SLC9B2: variants seen among roughly 807,000 people sequenced by gnomAD.
SLC9B2 encodes the protein solute carrier family 9 member B2.
SLC9B2 carries 39 observed loss-of-function variants against 52.2 expected under a neutral mutation model. The observed-to-expected ratio is 0.75, with a 90% CI of 0.58 to 0.98. SLC9B2 has a LOEUF of 0.98. Among genes scored for constraint, SLC9B2 ranks in the 50% least tolerant of loss-of-function variants. The pLI, the probability that SLC9B2 is intolerant of heterozygous loss-of-function variation, is 0.00. For missense variants in SLC9B2, 626 were observed against 637.5 expected (o/e 0.98, Z 0.19); for synonymous variants, 214 against 227.0 (o/e 0.94, Z 0.51).
intron 1 of SLC9B2, among the ~76,000 whole-genome samples, chr4:103,075,004 G>C (rs555522586): frequency 6.6e-6 from 1 of 152,186 alleles, no homozygotes; most frequent in East Asian, 1.9e-4. Flanking sequence ...AGAAGTGAAC[G>C]GTCTTAAATA....
intron 9 of SLC9B2, among the ~76,000 whole-genome samples, chr4:103,036,258 C>T (rs767691343): frequency 6.6e-6 from 1 of 152,274 alleles, no homozygotes; most frequent in East Asian, 1.9e-4. Flanking sequence ...TAATCCTAAG[C>T]TAATTAATGC....
intron 6 of SLC9B2, chr4:103,048,626 G>A (rs111254763): frequency 2.4e-5 from 7 of 293,424 alleles, no homozygotes; most frequent in African/African-American, 1.5e-4. Context: ...GTGGAATCCG[G>A]TATCTCTTTA....
In SLC9B2 at chr4:103,050,665, T is replaced by C. The variant is rs577595525; in HGVS notation, c.443-283A>G. Among the ~76,000 whole-genome samples the C allele has an allele frequency of 1.5e-4, 23 of 152,332 alleles. No homozygotes were observed. In the East Asian group the frequency reaches 4.4e-3, roughly 29 times the overall value. On this transcript the variant is annotated intron_variant, in intron 4 of 11. Transcript: ENST00000394785. The stretch of plus-strand genomic sequence containing the variant: ...ATAGAGAGTATGATCAAATTCTAAA[T>C]ATAAAATGTTTTAATACAATGCCAG...
chr4:103,026,844 A>G (rs1199037668), intron 11 of SLC9B2, among the ~76,000 whole-genome samples: 1 of 152,152 alleles, frequency 6.6e-6, no homozygotes, highest in Non-Finnish European at 1.5e-5. Context: ...TAATAATAAT[A>G]AAATAAAAAA....
At position 103,043,427 on chromosome 4, in the gene SLC9B2, T is replaced by G; in HGVS notation, c.1015A>C (p.Arg339=). 1 of 1,607,496 alleles carries G rather than the reference T, an allele frequency of 6.2e-7. No homozygotes were observed. Among genetic ancestry groups the G allele is most frequent in the South Asian group, 1.1e-5 (1 of 89,058 alleles). Reference sequence around the variant, plus strand: ...GACAACCCCAACACAAGGAATGTTCTCTTACACACAAGTTTGTCCTTTAGG... The same window carrying G: ...GACAACCCCAACACAAGGAATGTTCGCTTACACACAAGTTTGTCCTTTAGG... The part of the protein sequence containing the change: ...SRDQDKLVCK[R]TFLVLGLSVL... The change falls in exon 9 of 12, where the codon AGA becomes CGA. Residue 339 remains arginine (R), a synonymous_variant. Coordinates refer to ENST00000394785, the MANE Select transcript of SLC9B2 (RefSeq NM_178833.7).
intron 1 of SLC9B2, among the ~76,000 whole-genome samples, chr4:103,074,862 C>T (rs1746971586): frequency 6.6e-6 from 1 of 152,160 alleles, no homozygotes; most frequent in South Asian, 2.1e-4. Flanking sequence ...CAAATGTCAC[C>T]TTCTCAGTAT....
intron 9 of SLC9B2, among the ~76,000 whole-genome samples, chr4:103,036,492 A>G (rs1743185671): frequency 6.6e-6 from 1 of 152,160 alleles, no homozygotes; most frequent in Non-Finnish European, 1.5e-5. Flanking sequence ...AAACCTGCAC[A>G]TGTACCCCTT....
At position 103,057,850 on chromosome 4, in the gene SLC9B2, A is replaced by G; in HGVS notation, c.393T>C (p.Leu131=). 1 of 1,613,884 alleles carries G rather than the reference A, an allele frequency of 6.2e-7. No individual in the cohort carries two copies. The highest frequency in any genetic ancestry group is 1.3e-5 in the African/African-American group (1 of 75,036). Residue 131 remains leucine, a synonymous_variant, in exon 4 of 12, where the codon CTT becomes CTC. Transcript: ENST00000394785. ...ATGTAGGTAACTTAATAAGCCCCAA[A>G]AGTTTACCACCAATGATGGCACAAT... ...LFYCAIIGGK[L]LGLIKLPTLP... is the part of the protein sequence containing the mutation.
chr4:103,059,290 C>T (rs886412441), intron 3 of SLC9B2, among the ~76,000 whole-genome samples: 3 of 152,140 alleles, frequency 2.0e-5, no homozygotes, highest in African/African-American at 7.2e-5. Flanking sequence ...AGACTTAAAC[C>T]TGGCCTCCCA....
At chr4:103,054,568 C>T (rs6821545) in intron 4 of SLC9B2, among the ~76,000 whole-genome samples, 6,633 of 152,280 alleles carry the variant, frequency 0.044, 439 homozygotes, top group African/African-American at 0.14. Flanking sequence ...AACTTCACAA[C>T]TCTGCCAGTA....
chr4:103,058,405 CTTTT>C (rs1030609622), intron 3 of SLC9B2, among the ~76,000 whole-genome samples: 2 of 152,084 alleles, frequency 1.3e-5, no homozygotes, highest in Middle Eastern at 6.8e-3. Context: ...ACTTTTCTTT[CTTTT>C]TGTTTTGAAA....
chr4:103,063,426 G>C (rs1432609142), intron 3 of SLC9B2, among the ~76,000 whole-genome samples: 4 of 152,092 alleles, frequency 2.6e-5, no homozygotes, highest in Non-Finnish European at 5.9e-5. Flanking sequence ...ATGTCTTTCA[G>C]AGCCCACAAA....
At chr4:103,043,916 C>T (rs892325992) in intron 8 of SLC9B2, among the ~76,000 whole-genome samples, 4 of 152,078 alleles carry the variant, frequency 2.6e-5, no homozygotes, top group African/African-American at 7.2e-5. Context: ...TTAAATTTGA[C>T]GCCCCCTTGG....
Position 103,024,526 on chromosome 4 carries a change from G to A in SLC9B2, c.*1844C>T, listed in dbSNP as rs1284319283. On this transcript the variant is annotated 3_prime_UTR_variant, in exon 12 of 12. Coordinates refer to ENST00000394785, the MANE Select transcript of SLC9B2 (RefSeq NM_178833.7). ...TAGAGGTGAAAGCCATGGTGGATAGGGCTCGAACAGAAGTCTAATGAAGAG... is the reference window on the plus strand; with the variant it reads ...TAGAGGTGAAAGCCATGGTGGATAGAGCTCGAACAGAAGTCTAATGAAGAG... Among the ~76,000 whole-genome samples the A allele has an allele frequency of 1.3e-5, 2 of 152,138 alleles. No individual in the cohort carries two copies. The highest frequency in any genetic ancestry group is 1.3e-4 in the Admixed American group (2 of 15,268).
downstream of SLC9B2, among the ~76,000 whole-genome samples, chr4:103,018,173 T>A (rs1468762642): frequency 2.6e-5 from 4 of 152,146 alleles, no homozygotes; most frequent in Non-Finnish European, 5.9e-5. Flanking sequence ...CAAAAATAAG[T>A]ACAAAATGAG....
intron 1 of SLC9B2, among the ~76,000 whole-genome samples, chr4:103,070,183 T>C (rs1746491593): frequency 6.6e-6 from 1 of 152,226 alleles, no homozygotes; most frequent in South Asian, 2.1e-4. Context: ...TTTCCATTTC[T>C]AAAAGACCAT....
intron 7 of SLC9B2, 21 bp downstream of exon 7, chr4:103,047,030 G>T (rs1335363415): frequency 2.5e-6 from 4 of 1,611,764 alleles, no homozygotes; most frequent in Non-Finnish European, 2.5e-6. Flanking sequence ...AGTAAAGCCT[G>T]TTGTGAACTG....
At chr4:103,032,325 C>T (rs1481755875) in intron 9 of SLC9B2, among the ~76,000 whole-genome samples, 1 of 152,014 alleles carries the variant, frequency 6.6e-6, no homozygotes, top group Non-Finnish European at 1.5e-5. Context: ...CCAATTTTAT[C>T]TGTACAAAAA....
chr4:103,048,870 T>C (rs911532076), intron 6 of SLC9B2, 23 bp downstream of exon 6: 3 of 1,611,096 alleles, frequency 1.9e-6, no homozygotes, highest in Non-Finnish European at 2.5e-6. Flanking sequence ...CATATTTTCA[T>C]ATGACAAAGA....
Sources: gnomAD v4.1 joint callset for allele counts (sites outside exome capture counted in the v4.1 genomes callset) on GRCh38, gnomAD v4.1.1 for gene constraint, MANE v1.5 for transcripts, NCBI Gene and HGNC (gene_info 2026-07-23, HGNC 2026-07-21) for gene names.